CNTN4: variants seen among roughly 807,000 people sequenced by gnomAD.
CNTN4 encodes contactin-4.
Under a neutral mutation model 122.5 loss-of-function variants are expected in CNTN4, and 77 were observed. The observed-to-expected ratio is 0.63, with a 90% CI of 0.52 to 0.76. The LOEUF (loss-of-function observed/expected upper bound fraction) is 0.76. Ranked by LOEUF, CNTN4 falls within the 30% of genes least tolerant of loss-of-function variation. The pLI, the probability that CNTN4 is intolerant of heterozygous loss-of-function variation, is 0.00. For synonymous variants in CNTN4, 512 were observed against 447.0 expected, an observed-to-expected ratio of 1.15 and a Z score of -1.83; for missense variants, 1,256 against 1,259.1, an observed-to-expected ratio of 1.00 and a Z score of 0.04.
At chr3:3,003,934 A>G (rs1408329529) in intron 14 of CNTN4, among the ~76,000 whole-genome samples, 1 of 151,754 alleles carries the variant, frequency 6.6e-6, no homozygotes, top group Non-Finnish European at 1.5e-5. Context: ...ATTTTTCTGT[A>G]TTTTTTGTAG....
At chr3:2,873,984 G>A (rs765166118) in intron 8 of CNTN4, among the ~76,000 whole-genome samples, 5 of 152,160 alleles carry the variant, frequency 3.3e-5, no homozygotes, top group African/African-American at 4.8e-5. Context: ...TGACAACATC[G>A]CAGTTGAGGA....
intron 4 of CNTN4, among the ~76,000 whole-genome samples, chr3:2,647,164 C>T (rs775034739): frequency 1.3e-5 from 2 of 151,982 alleles, no homozygotes; most frequent in South Asian, 2.1e-4. Context: ...GCGGATCACC[C>T]GAGGTCAGGA....
chr3:2,179,384 A>C (rs1232554008), intron 2 of CNTN4, among the ~76,000 whole-genome samples: 1 of 152,042 alleles, frequency 6.6e-6, no homozygotes, highest in Non-Finnish European at 1.5e-5. Context: ...AGGATGAATT[A>C]GTAAGGAGAG....
intron 4 of CNTN4, among the ~76,000 whole-genome samples, chr3:2,636,639 A>G (rs2082668941): frequency 1.3e-5 from 2 of 152,290 alleles, no homozygotes; most frequent in South Asian, 4.1e-4. Flanking sequence ...CCCACTCCTA[A>G]TATGAACAGT....
At position 2,437,638 on chromosome 3, in the gene CNTN4, C is replaced by T. The variant is rs574206764; in HGVS notation, c.-89+98405C>T. On this transcript the variant is annotated intron_variant, in intron 3 of 24. Coordinates refer to ENST00000418658, the MANE Select transcript of CNTN4 (RefSeq NM_175607.3). ...ATTAAAAGATAGATATACAAACTCA[C>T]TCTCAACCATTCTGATGGAAAAACC... Among the ~76,000 whole-genome samples the T allele has an allele frequency of 8.5e-5, 13 of 152,310 alleles. No homozygotes were observed. In the South Asian group the frequency reaches 2.7e-3, roughly 32 times the overall value.
chr3:2,951,516 C>T (rs1414010003), intron 13 of CNTN4, among the ~76,000 whole-genome samples: 1 of 152,212 alleles, frequency 6.6e-6, no homozygotes, highest in Non-Finnish European at 1.5e-5. Flanking sequence ...AGTCTGTCTG[C>T]AGCCTGGGGG....
chr3:2,309,826 A>G (rs1383494947), intron 2 of CNTN4, among the ~76,000 whole-genome samples: 1 of 152,138 alleles, frequency 6.6e-6, no homozygotes, highest in Non-Finnish European at 1.5e-5. Flanking sequence ...ACCATTTGCC[A>G]CCTCTGTTTT....
intron 3 of CNTN4, among the ~76,000 whole-genome samples, chr3:2,543,156 C>T (rs1383787405): frequency 6.6e-6 from 1 of 151,920 alleles, no homozygotes; most frequent in Non-Finnish European, 1.5e-5. Context: ...TCAATGGCTA[C>T]CATTAGTTTG....
At chr3:2,123,682 A>G (rs1040162395) in intron 2 of CNTN4, among the ~76,000 whole-genome samples, 2 of 152,176 alleles carry the variant, frequency 1.3e-5, no homozygotes, top group Admixed American at 1.3e-4. Flanking sequence ...TCGCTGACAT[A>G]TGATGATTTA....
chr3:2,621,471 G>A (rs1293869631), intron 4 of CNTN4, among the ~76,000 whole-genome samples: 2 of 151,910 alleles, frequency 1.3e-5, no homozygotes, highest in Non-Finnish European at 2.9e-5. Context: ...CACAGTAAGG[G>A]GAATGTCACA....
intron 2 of CNTN4, among the ~76,000 whole-genome samples, chr3:2,294,820 C>T (rs1325977616): frequency 2.0e-5 from 3 of 152,056 alleles, no homozygotes; most frequent in African/African-American, 4.8e-5. Flanking sequence ...AATGCTATCC[C>T]TCCCCTCTCC....
At chr3:2,862,660 C>A (rs2150786975) in intron 7 of CNTN4, among the ~76,000 whole-genome samples, 1 of 152,306 alleles carries the variant, frequency 6.6e-6, no homozygotes, top group East Asian at 1.9e-4. Flanking sequence ...CAAAAGAAAT[C>A]TGTCAAGTTT....
intron 4 of CNTN4, among the ~76,000 whole-genome samples, chr3:2,577,709 T>C (rs2149537331): frequency 6.6e-6 from 1 of 152,350 alleles, no homozygotes; most frequent in South Asian, 2.1e-4. Flanking sequence ...CCATGTGCTA[T>C]TGATTCTGTT....
intron 7 of CNTN4, among the ~76,000 whole-genome samples, chr3:2,865,293 C>T (rs1157331363): frequency 3.3e-5 from 5 of 152,142 alleles, no homozygotes; most frequent in East Asian, 1.9e-4. Context: ...CTCCTTTGTG[C>T]GTAAACAGTG....
At chr3:2,627,344 T>C (rs936386482) in intron 4 of CNTN4, among the ~76,000 whole-genome samples, 1 of 152,190 alleles carries the variant, frequency 6.6e-6, no homozygotes, top group African/African-American at 2.4e-5. Flanking sequence ...GTTATGTTTA[T>C]TTTCTAGCAT....
rs568121803 is a variant in CNTN4 at position 2,709,258 on chromosome 3, T to G, written c.56-26957T>G. ...AGAATGTATTTATAGTTTTGTTTTGTTTTTAAATCTTGAAAGAGACCTGAA... is the reference window on the plus strand; with the variant it reads ...AGAATGTATTTATAGTTTTGTTTTGGTTTTAAATCTTGAAAGAGACCTGAA... On this transcript the variant is annotated intron_variant, in intron 4 of 24. Coordinates refer to ENST00000418658, the MANE Select transcript of CNTN4 (RefSeq NM_175607.3). This position sits in a 1 kb window ranked among gnomAD's most constrained non-coding sequence, Gnocchi z 5.0. Among the ~76,000 whole-genome samples, 9 of 152,342 alleles carry G rather than the reference T, an allele frequency of 5.9e-5. No homozygotes were observed. The East Asian group carries it at 1.7e-3, about 29-fold the overall frequency.
At chr3:2,505,375 G>C (rs2076705166) in intron 3 of CNTN4, among the ~76,000 whole-genome samples, 1 of 152,070 alleles carries the variant, frequency 6.6e-6, no homozygotes, top group Non-Finnish European at 1.5e-5. Context: ...GTGTAAGTTT[G>C]AAATTTTTAA....
chr3:2,502,560 T>C (rs1323540918), intron 3 of CNTN4, among the ~76,000 whole-genome samples: 2 of 152,132 alleles, frequency 1.3e-5, no homozygotes, highest in African/African-American at 4.8e-5. Flanking sequence ...ACCTTACTAC[T>C]CTGGCTTAGC....
chr3:2,898,695 C>T (rs1403782928), intron 10 of CNTN4, among the ~76,000 whole-genome samples: 1 of 152,200 alleles, frequency 6.6e-6, no homozygotes, highest in Non-Finnish European at 1.5e-5. Flanking sequence ...TTCAACTTGA[C>T]ATTGCTTCAT....
Sources: gnomAD v4.1 joint callset for allele counts (sites outside exome capture counted in the v4.1 genomes callset) on GRCh38, gnomAD v4.1.1 for gene constraint, Gnocchi (gnomAD v3.1) non-coding constraint, MANE v1.5 for transcripts, NCBI Gene and HGNC (gene_info 2026-07-23, HGNC 2026-07-21) for gene names.